Variants in LRRIQ3 observed in about 807,000 individuals in gnomAD.
LRRIQ3 encodes the protein leucine rich repeats and IQ motif containing 3, also known as leucine-rich repeat and IQ domain-containing protein 3.
A neutral mutation model predicts 59.3 loss-of-function variants in LRRIQ3; 75 were observed. That is an observed-to-expected ratio of 1.26 (90% confidence interval 1.05 to 1.53). LRRIQ3 has a LOEUF of 1.53. Among genes scored for constraint, LRRIQ3 ranks in the 40% most tolerant of loss-of-function variants. The pLI, the probability that LRRIQ3 is intolerant of heterozygous loss-of-function variation, is 0.00. For missense variants in LRRIQ3, 831 were observed against 710.0 expected (o/e 1.17, Z -1.94); for synonymous variants, 250 against 231.3 (o/e 1.08, Z -0.73).
chr1:74,096,787 G>T (rs546686342), intron 5 of LRRIQ3, among the ~76,000 whole-genome samples: 37 of 152,258 alleles, frequency 2.4e-4, no homozygotes, highest in Non-Finnish European at 2.9e-4. Context: ...TCAGCTGCAG[G>T]TCTGTTGGAG....
At chr1:74,096,527 G>A (rs74649541) in intron 5 of LRRIQ3, among the ~76,000 whole-genome samples, 156 of 152,152 alleles carry the variant, frequency 1.0e-3, no homozygotes, top group East Asian at 4.3e-3. Flanking sequence ...AAGTATAATC[G>A]TCTGAAGCCT....
intron 6 of LRRIQ3, among the ~76,000 whole-genome samples, chr1:74,063,556 A>G (rs145967249): frequency 2.0e-4 from 31 of 152,000 alleles, no homozygotes; most frequent in African/African-American, 7.2e-4. Flanking sequence ...CTTTCTGTCA[A>G]TTTGGGGTTT....
Position 74,155,800 on chromosome 1 carries a change from C to G in LRRIQ3, c.640G>C (p.Ala214Pro). 1 of 1,584,340 alleles carries G rather than the reference C, an allele frequency of 6.3e-7. No individual in the cohort carries two copies. The highest frequency in any genetic ancestry group is 1.7e-4 in the Middle Eastern group (1 of 5,962). The change falls in exon 4 of 8, where the codon GCT (alanine) becomes CCT (proline). Residue 214 changes from alanine to proline, a missense_variant. By Grantham distance (27) the Ala-to-Pro change is conservative (BLOSUM62 -1). Transcript: ENST00000354431. ...ACAATCAAAACTGGTGAATTATGAG[C>G]CAGAATTGCATTAATTTTTGAAGTA... ...HITSKINAIL[A>P]HNSPVLIVQR...
In LRRIQ3 at chr1:74,069,199, C is replaced by A. The variant is rs116644411; in HGVS notation, c.997+5462G>T. ...GAAAGTATTTGAATTTACTTCTTTA[C>A]AACTGTATCTGAAATATGAATGGTC... On this transcript the variant is annotated intron_variant, in intron 6 of 7. Coordinates refer to ENST00000354431, the MANE Select transcript of LRRIQ3 (RefSeq NM_001105659.2). Among the ~76,000 whole-genome samples, 473 of 151,940 alleles carry A rather than the reference C, an allele frequency of 3.1e-3. 2 individuals are homozygous for A. Among genetic ancestry groups the A allele is most frequent in the African/African-American group, 0.011 (462 of 41,400 alleles).
intron 4 of LRRIQ3, among the ~76,000 whole-genome samples, chr1:74,136,475 C>G (rs1647126083): frequency 6.6e-6 from 1 of 151,848 alleles, no homozygotes; most frequent in African/African-American, 2.4e-5. Flanking sequence ...CTCTGGAACC[C>G]TACTAAGCAG....
At chr1:74,056,766 T>C (rs1654547462) in intron 6 of LRRIQ3, among the ~76,000 whole-genome samples, 1 of 152,156 alleles carries the variant, frequency 6.6e-6, no homozygotes. Context: ...TCAGAATTAG[T>C]ATTGTTAAAA....
At chr1:74,047,756 T>A (rs1654247324) in intron 6 of LRRIQ3, among the ~76,000 whole-genome samples, 1 of 151,982 alleles carries the variant, frequency 6.6e-6, no homozygotes, top group Non-Finnish European at 1.5e-5. Context: ...AGAATGATTT[T>A]AAAAAATCTG....
At chr1:74,189,439 T>C (rs1301105993) in intron 1 of LRRIQ3, among the ~76,000 whole-genome samples, 2 of 152,138 alleles carry the variant, frequency 1.3e-5, no homozygotes, top group Non-Finnish European at 2.9e-5. Context: ...ATGTATGCTG[T>C]GCCTCAGTTT....
intron 6 of LRRIQ3, among the ~76,000 whole-genome samples, chr1:74,062,888 C>G (rs1654763342): frequency 6.6e-6 from 1 of 151,926 alleles, no homozygotes; most frequent in African/African-American, 2.4e-5. Context: ...GATACTATGC[C>G]TATTACCTGG....
intron 6 of LRRIQ3, 85 bp from the exon 7 acceptor site, chr1:74,042,018 T>C: frequency 2.3e-6 from 3 of 1,310,908 alleles, no homozygotes; most frequent in Non-Finnish European, 3.0e-6. Flanking sequence ...ATAAACTTGA[T>C]AAGAACCTTT....
At chr1:74,052,935 T>G (rs1654411076) in intron 6 of LRRIQ3, among the ~76,000 whole-genome samples, 1 of 152,146 alleles carries the variant, frequency 6.6e-6, no homozygotes, top group African/African-American at 2.4e-5. Context: ...TAACATCTTC[T>G]TTGAGATACA....
At chr1:74,186,670 G>T (rs192860254) in intron 1 of LRRIQ3, among the ~76,000 whole-genome samples, 1 of 152,102 alleles carries the variant, frequency 6.6e-6, no homozygotes, top group Non-Finnish European at 1.5e-5. Flanking sequence ...GTTTGAGGAA[G>T]AAATGAAATA....
intron 3 of LRRIQ3, among the ~76,000 whole-genome samples, chr1:74,170,313 T>TA (rs1649245573): frequency 6.6e-6 from 1 of 152,180 alleles, no homozygotes; most frequent in Non-Finnish European, 1.5e-5. Flanking sequence ...ATTCAGATCT[T>TA]ACCTTTAAGA....
chr1:74,111,051 A>G (rs927188252), intron 4 of LRRIQ3, among the ~76,000 whole-genome samples: 1 of 152,042 alleles, frequency 6.6e-6, no homozygotes, highest in Non-Finnish European at 1.5e-5. Flanking sequence ...CAATATAACA[A>G]CAACAAAAAA....
rs144735778 is a variant in LRRIQ3, at chr1:74,107,230, G to A, written c.867+2164C>T. On this transcript the variant is annotated intron_variant, in intron 5 of 7. Transcript: ENST00000354431. ...CCAAACAGGAGAAGATTCAGATACTGATTACTTCATCTAATTACTGAACCT... is the reference window on the plus strand; with the variant it reads ...CCAAACAGGAGAAGATTCAGATACTAATTACTTCATCTAATTACTGAACCT... Among the ~76,000 whole-genome samples the A allele has an allele frequency of 6.6e-4, 100 of 152,070 alleles. No homozygotes were observed. The East Asian group carries it at 0.013, about 19-fold the overall frequency.
intron 6 of LRRIQ3, among the ~76,000 whole-genome samples, chr1:74,054,027 T>C (rs902754521): frequency 4.6e-5 from 7 of 152,130 alleles, no homozygotes; most frequent in South Asian, 2.1e-4. Context: ...TCAAAATGAA[T>C]TGAAAACTTT....
intron 5 of LRRIQ3, among the ~76,000 whole-genome samples, chr1:74,079,582 T>C (rs1294507570): frequency 6.6e-6 from 1 of 151,844 alleles, no homozygotes; most frequent in Non-Finnish European, 1.5e-5. Flanking sequence ...CTAACGTAGG[T>C]TAAGATTTGT....
chr1:74,073,803 C>G (rs1366058025), intron 6 of LRRIQ3, among the ~76,000 whole-genome samples: 1 of 151,802 alleles, frequency 6.6e-6, no homozygotes, highest in East Asian at 1.9e-4. Context: ...TTAGGAGAAG[C>G]CCTTGAGAAA....
At chr1:74,132,032 C>A (rs894176111) in intron 4 of LRRIQ3, among the ~76,000 whole-genome samples, 47 of 152,164 alleles carry the variant, frequency 3.1e-4, no homozygotes, top group African/African-American at 1.1e-3. Flanking sequence ...AGCAAAGTCT[C>A]AGGATACAAA....
Sources: allele counts gnomAD v4.1 joint callset (sites outside exome capture counted in the v4.1 genomes callset), GRCh38; gene constraint gnomAD v4.1.1; transcripts MANE v1.5; gene names NCBI Gene and HGNC (gene_info 2026-07-23, HGNC 2026-07-21).